The following INTS1 variants were observed in gnomAD, a reference collection of about 807,000 sequenced individuals.
The protein encoded by INTS1 is integrator complex subunit 1.
INTS1 carries 137 observed loss-of-function variants against 241.6 expected under a neutral mutation model. The ratio of observed to expected loss-of-function variants is 0.57; its 90% CI spans 0.49 to 0.65. INTS1 has a LOEUF of 0.65. Ranked by LOEUF, INTS1 falls within the 30% of genes least tolerant of loss-of-function variation. INTS1 has a pLI of 0.00. For synonymous variants in INTS1, 1,692 were observed against 1,337.8 expected (o/e 1.26, Z -5.78); for missense variants, 3,073 against 3,032.2 (o/e 1.01, Z -0.32).
At chr7:1,498,947 C>CCCCCCCCCCCCCCCGGGGG in intron 8 of INTS1, 28 bp downstream of exon 8, 1 of 1,339,474 alleles carries the variant, frequency 7.5e-7, no homozygotes, top group Non-Finnish European at 1.0e-6. Flanking sequence ...CCCCCTGCCC[C>CCCCCCCCCCCCCCCGGGGG]GCCCACCCCC....
Position 1,497,216 on chromosome 7 carries a change from G to T in INTS1, c.1524C>A (p.His508Gln). The T allele has an allele frequency of 6.2e-7, 1 of 1,613,050 alleles. No homozygotes were observed. Among genetic ancestry groups the T allele is most frequent in the Non-Finnish European group, 8.5e-7 (1 of 1,179,740 alleles). The change falls in exon 11 of 48, where the codon CAC becomes CAA. Residue 508 changes from histidine to glutamine, a missense_variant. Coordinates refer to ENST00000404767, the MANE Select transcript of INTS1 (RefSeq NM_001080453.3). This position sits in a 1 kb window ranked among gnomAD's most constrained non-coding sequence, Gnocchi z 5.3. The stretch of plus-strand genomic sequence containing the variant: ...GGCAGAAGGCCTGGAAGTTGATCTC[G>T]TGCTTGGTCTGCTTGATGATCTCCC... ...LLREIIKQTK[H>Q]EINFQAFCLG...
At chr7:1,477,969 TC>T (rs1460493150) in intron 33 of INTS1, 33 bp from the exon 34 acceptor site, 3 of 1,600,536 alleles carry the variant, frequency 1.9e-6, no homozygotes, top group Non-Finnish European at 2.6e-6. Flanking sequence ...TGTGGGTCAC[TC>T]CCAGGTCGGG....
In INTS1 at chr7:1,498,484, G is replaced by A. The variant is rs1333145320; in HGVS notation, c.1353C>T (p.Ser451=). 3 of 1,613,852 alleles carry A rather than the reference G, an allele frequency of 1.9e-6. No individual in the cohort carries two copies. The highest frequency in any genetic ancestry group is 1.3e-5 in the African/African-American group (1 of 74,924). Residue 451 remains serine, a synonymous_variant, in exon 10 of 48, where the codon TCC becomes TCT. Coordinates refer to ENST00000404767, the MANE Select transcript of INTS1 (RefSeq NM_001080453.3). ...TIKLVIFNEL[S]SARNPNNMQV... The stretch of plus-strand genomic sequence containing the variant: ...GCATGTTGTTCGGGTTCCGGGCGCT[G>A]GAGAGCTCATTGAAGATCACCAACT...
In INTS1 at chr7:1,493,794, A is replaced by G. The variant is rs1288971077; in HGVS notation, c.2028T>C (p.Ala676=). ...CAGCCGCCCGCTTCACCAGGTGGTCAGCAAGCTCCATGGCGTCCGCAGGCC... is the reference window on the plus strand; with the variant it reads ...CAGCCGCCCGCTTCACCAGGTGGTCGGCAAGCTCCATGGCGTCCGCAGGCC... ...PLGPADAMEL[A]DHLVKRAAAV... The change falls in exon 15 of 48, where the codon GCT becomes GCC. Residue 676 remains alanine (A), a synonymous_variant. Coordinates refer to ENST00000404767, the MANE Select transcript of INTS1 (RefSeq NM_001080453.3). The surrounding 1 kb of genome is among the most constrained non-coding windows in gnomAD (Gnocchi z 5.3). The G allele has an allele frequency of 6.3e-7, 1 of 1,579,228 alleles. No individual in the cohort carries two copies. The highest frequency in any genetic ancestry group is 2.3e-5 in the East Asian group (1 of 42,624).
Position 1,476,238 on chromosome 7 carries a change from C to T in INTS1, c.5369G>A (p.Trp1790Ter). The change falls in exon 38 of 48, where the codon TGG becomes TAG. Residue 1790 changes from tryptophan (W) to a stop codon, truncating the protein, a stop_gained. Coordinates refer to ENST00000404767, the MANE Select transcript of INTS1 (RefSeq NM_001080453.3). LOFTEE classifies it high-confidence loss of function. ...TEHLSGCIQQ[W>*]GDSVLGRRCR... ...CGGGGGGCCTGAGCACCTGTCTCCCCACTGCTGGATGCAGCCTGACAGGTG... is the reference window on the plus strand; with the variant it reads ...CGGGGGGCCTGAGCACCTGTCTCCCTACTGCTGGATGCAGCCTGACAGGTG... The T allele has an allele frequency of 6.4e-7, 1 of 1,555,124 alleles. No homozygotes were observed. The highest frequency in any genetic ancestry group is 8.7e-7 in the Non-Finnish European group (1 of 1,150,890).
intron 26 of INTS1, 158 bp from the exon 27 acceptor site, chr7:1,482,865 C>T (rs773721259): frequency 7.4e-6 from 6 of 808,482 alleles, no homozygotes; most frequent in African/African-American, 1.7e-5. Flanking sequence ...TTGCTATGTG[C>T]GGATGCTTTG....
At chr7:1,494,408 A>G in intron 14 of INTS1, 2 of 278,174 alleles carry the variant, frequency 7.2e-6, no homozygotes, top group Non-Finnish European at 1.4e-5. Flanking sequence ...GGGGTCACCC[A>G]TGGGGCTTGA....
intron 2 of INTS1, 133 bp downstream of exon 2, chr7:1,503,770 G>A: frequency 4.4e-6 from 3 of 676,456 alleles, no homozygotes; most frequent in East Asian, 3.2e-5. Flanking sequence ...AGTGTTTCCA[G>A]ACCGAATTCC....
intron 3 of INTS1, among the ~76,000 whole-genome samples, chr7:1,502,486 AG>A (rs35347915): frequency 2.2e-3 from 332 of 150,434 alleles, no homozygotes; most frequent in African/African-American, 7.4e-3. Flanking sequence ...GTTGGTAACC[AG>A]GAGGGAAGGA....
intron 16 of INTS1, among the ~76,000 whole-genome samples, chr7:1,491,683 T>C (rs565265862): frequency 6.6e-6 from 1 of 152,324 alleles, no homozygotes; most frequent in East Asian, 1.9e-4. Flanking sequence ...GGAGGACTGC[T>C]TGAGCCCAGA....
At chr7:1,473,261 G>A (rs1781557368) in intron 42 of INTS1, 77 bp from the exon 43 acceptor site, 1 of 1,045,110 alleles carries the variant, frequency 9.6e-7, no homozygotes, top group Admixed American at 1.9e-5. Flanking sequence ...AAACTAGGGT[G>A]GCATGGGAGC....
intron 26 of INTS1, chr7:1,483,537 G>C (rs533373145): frequency 3.2e-6 from 2 of 618,800 alleles, no homozygotes; most frequent in Non-Finnish European, 5.9e-6. Flanking sequence ...ACCACGTGGG[G>C]ATCTCCCACA....
chr7:1,478,598 C>G (rs1299872794), intron 32 of INTS1, 92 bp from the exon 33 acceptor site: 1 of 1,517,918 alleles, frequency 6.6e-7, no homozygotes, highest in Non-Finnish European at 8.9e-7. Context: ...AAGGGCTCCC[C>G]TGGGCCCACG....
At chr7:1,488,004 T>C in intron 18 of INTS1, 47 bp from the exon 19 acceptor site, 2 of 1,574,716 alleles carry the variant, frequency 1.3e-6, no homozygotes, top group East Asian at 2.2e-5. Flanking sequence ...CATGAAGGGC[T>C]CACTCCCAGT....
chr7:1,484,968 C>A, intron 24 of INTS1, 130 bp downstream of exon 24: 1 of 553,788 alleles, frequency 1.8e-6, no homozygotes, highest in East Asian at 3.2e-5. Flanking sequence ...CAGGGCCACA[C>A]TGCCGGCTGG....
In INTS1 at chr7:1,470,789, C is replaced by A. The variant is rs750775913; in HGVS notation, c.6457+57G>T. The A allele has an allele frequency of 2.0e-6, 3 of 1,471,844 alleles. No individual in the cohort carries two copies. The South Asian group carries it at 3.7e-5, about 18-fold the overall frequency. 91.2% of individuals were successfully genotyped at this position (1,471,844 alleles called of 1,614,324 possible). On this transcript the variant is annotated intron_variant, in intron 47 of 47. Coordinates refer to ENST00000404767, the MANE Select transcript of INTS1 (RefSeq NM_001080453.3). ...CTCCCAAGAGCCAGCCCTCGGGGGA[C>A]GCACCTCCGGCCTCCCCGAGGGCTG...
intron 14 of INTS1, chr7:1,494,365 G>A (rs564278146): frequency 2.9e-5 from 7 of 244,702 alleles, no homozygotes; most frequent in South Asian, 6.0e-5. Context: ...AGCCCCAGGC[G>A]GGGCTGGAGG....
Position 1,503,129 on chromosome 7 carries a change from T to C in INTS1, c.121A>G (p.Thr41Ala). ...GSKGQANESK[T>A]ASTLLKPAPS... The stretch of plus-strand genomic sequence containing the variant: ...GCTGGCTTCAGCAGGGTGGACGCCG[T>C]TTTCGATTCATTGGCCTGACCCTTT... Residue 41 changes from threonine (T) to alanine (A), a missense_variant, in exon 3 of 48, where the codon ACG (threonine) becomes GCG (alanine). By Grantham distance (58) the Thr-to-Ala change is moderately conservative. Transcript: ENST00000404767. The C allele has an allele frequency of 1.3e-6, 2 of 1,595,022 alleles. No individual in the cohort carries two copies. Among genetic ancestry groups the C allele is most frequent in the Non-Finnish European group, 1.7e-6 (2 of 1,167,510 alleles).
Position 1,489,489 on chromosome 7 carries a change from T to C in INTS1, c.2258-85A>G, listed in dbSNP as rs150632568. 2,313 of 1,542,542 alleles carry C rather than the reference T, an allele frequency of 1.5e-3. 49 individuals carry two copies. In the East Asian group the frequency reaches 0.048, roughly 32 times the overall value. On this transcript the variant is annotated intron_variant, in intron 17 of 47. Transcript: ENST00000404767. ...CCGCTTCTCCCAGCTCCTCCTCTCA[T>C]CCCCAGCTGGGCTCATCCCAAGTCC...
Sources: gnomAD v4.1 joint callset for allele counts (sites outside exome capture counted in the v4.1 genomes callset) on GRCh38, gnomAD v4.1.1 for gene constraint, Gnocchi (gnomAD v3.1) non-coding constraint, MANE v1.5 for transcripts, NCBI Gene and HGNC (gene_info 2026-07-23, HGNC 2026-07-21) for gene names.